Variants in PIK3CG observed in about 807,000 individuals in gnomAD.
PIK3CG encodes the protein phosphatidylinositol 4,5-bisphosphate 3-kinase catalytic subunit gamma isoform.
Under a neutral mutation model 102.3 loss-of-function variants are expected in PIK3CG, and 55 were observed. The observed-to-expected ratio is 0.54, with a 90% CI of 0.43 to 0.67. The LOEUF is 0.67. Ranked by LOEUF, PIK3CG falls within the 30% of genes least tolerant of loss-of-function variation. The pLI is 0.00. For missense variants in PIK3CG, 1,258 were observed against 1,391.8 expected (o/e 0.90, Z 1.53); for synonymous variants, 552 against 540.0 (o/e 1.02, Z -0.31).
In PIK3CG at chr7:106,879,739, A is replaced by G. The variant is rs78704990; in HGVS notation, c.2538+74A>G. 3,516 of 1,098,912 alleles carry G rather than the reference A, an allele frequency of 3.2e-3. 76 individuals are homozygous for G. The African/African-American group carries it at 0.051, about 16-fold the overall frequency. 68.1% of individuals were successfully genotyped at this position (1,098,912 alleles called of 1,614,324 possible). On this transcript the variant is annotated intron_variant, in intron 6 of 10. Coordinates refer to ENST00000496166, the MANE Select transcript of PIK3CG (RefSeq NM_001282426.2). The surrounding 1 kb of genome is among the most constrained non-coding windows in gnomAD (Gnocchi z 4.9). ...TTACATCAAAAACATGCTTTCTCCT[A>G]CTGGCTCTATTCCCACTCTCTTCTT...
intron 5 of PIK3CG, among the ~76,000 whole-genome samples, chr7:106,875,907 T>TG (rs1790715132): frequency 1.6e-5 from 2 of 124,438 alleles, no homozygotes; most frequent in South Asian, 2.6e-4. Context: ...AGTTTTTTTT[T>TG]TGTTTTTTTT....
rs1364412565 is a variant in PIK3CG at position 106,897,099 on chromosome 7, C to T, written c.3031-8010C>T. ...ACACTTTTACATGTTTATTAAATAT[C>T]CTTCTACAGTATCTTTCTAGTAGTT... On this transcript the variant is annotated intron_variant, in intron 10 of 10. Transcript: ENST00000496166. This position sits in a 1 kb window ranked among gnomAD's most constrained non-coding sequence, Gnocchi z 4.6. 6.6e-6 allele frequency among the ~76,000 whole-genome samples: 1 copy of T among 152,114 alleles called. No homozygotes were observed. The highest frequency in any genetic ancestry group is 1.5e-5 in the Non-Finnish European group (1 of 68,032).
rs144346992 is a variant in PIK3CG, at chr7:106,876,365, T to C, written c.2391+1562T>C. ...TTCTTCTGAAAATTTTCTATTCAAA[T>C]ATTTCACCAGTTTTTTAGGTGGGTT... On this transcript the variant is annotated intron_variant, in intron 5 of 10. Coordinates refer to ENST00000496166, the MANE Select transcript of PIK3CG (RefSeq NM_001282426.2). Among the ~76,000 whole-genome samples, 437 of 151,676 alleles carry C rather than the reference T, an allele frequency of 2.9e-3. 9 individuals carry two copies. Among genetic ancestry groups the C allele is most frequent in the East Asian group, 0.015 (77 of 5,124 alleles).
intron 5 of PIK3CG, among the ~76,000 whole-genome samples, chr7:106,878,537 A>G (rs1227138753): frequency 6.6e-6 from 1 of 152,190 alleles, no homozygotes; most frequent in Non-Finnish European, 1.5e-5. Flanking sequence ...TAGCCTAGAA[A>G]CAGCCCCCAG....
chr7:106,893,569 C>T lies in PIK3CG; in HGVS notation c.3030+7277C>T, dbSNP rs1791321802. On this transcript the variant is annotated intron_variant, in intron 10 of 10. Coordinates refer to ENST00000496166, the MANE Select transcript of PIK3CG (RefSeq NM_001282426.2). The surrounding 1 kb of genome is among the most constrained non-coding windows in gnomAD (Gnocchi z 4.4). ...ATTGTTTACCATATTACAAAACATA[C>T]TCTCTCTATTAAGATCTTCTTGTGA... is the stretch of plus-strand genomic sequence containing the variant. Among the ~76,000 whole-genome samples the T allele has an allele frequency of 6.6e-6, 1 of 152,212 alleles. No homozygotes were observed. Among genetic ancestry groups the T allele is most frequent in the Non-Finnish European group, 1.5e-5 (1 of 68,032 alleles).
At chr7:106,881,082 C>T (rs1584331647) in intron 6 of PIK3CG, among the ~76,000 whole-genome samples, 1 of 152,300 alleles carries the variant, frequency 6.6e-6, no homozygotes, top group East Asian at 1.9e-4. Context: ...GGGCCAGGCA[C>T]TAGCCCACAA....
At chr7:106,898,152 A>G (rs1251481398) in intron 10 of PIK3CG, among the ~76,000 whole-genome samples, 2 of 152,086 alleles carry the variant, frequency 1.3e-5, no homozygotes, top group Non-Finnish European at 2.9e-5. Context: ...AGCTTTTTTC[A>G]TATGCTTATT....
chr7:106,905,153 C>T lies in PIK3CG; in HGVS notation c.3075C>T (p.Asn1025=), dbSNP rs2116617419. The T allele has an allele frequency of 6.2e-7, 1 of 1,614,054 alleles. No individual in the cohort carries two copies. The highest frequency in any genetic ancestry group is 1.6e-4 in the Middle Eastern group (1 of 6,062). Residue 1025 remains asparagine (N), a synonymous_variant, in exon 11 of 11, where the codon AAC becomes AAT. Transcript: ENST00000496166. The surrounding 1 kb of genome is among the most constrained non-coding windows in gnomAD (Gnocchi z 5.6). Reference sequence around the variant, plus strand: ...ATCTAGCCCTTCGTCATCACACAAACCTACTGATCATCCTGTTCTCCATGA... The same window carrying T: ...ATCTAGCCCTTCGTCATCACACAAATCTACTGATCATCCTGTTCTCCATGA... ...KAYLALRHHT[N]LLIILFSMML...
chr7:106,876,558 A>AT lies in PIK3CG; in HGVS notation c.2391+1771dup, dbSNP rs747506191. On this transcript the variant is annotated intron_variant, in intron 5 of 10. Transcript: ENST00000496166. ...AGGTGCCCGCCACCACACCCAGCTA[A>AT]TTTTTTTTTTTTTTTTGTATTTTTA... 8.9e-3 allele frequency among the ~76,000 whole-genome samples: 1,213 copies of AT among 136,396 alleles called. 8 individuals carry two copies. Among genetic ancestry groups the AT allele is most frequent in the African/African-American group, 0.016 (607 of 37,312 alleles). 89.5% of individuals were successfully genotyped at this position (136,396 alleles called of 152,430 possible).
chr7:106,904,485 A>G (rs1791639205), intron 10 of PIK3CG, among the ~76,000 whole-genome samples: 1 of 152,180 alleles, frequency 6.6e-6, no homozygotes, highest in African/African-American at 2.4e-5. Flanking sequence ...GCTCACCTGT[A>G]TCACCTGCTC....
chr7:106,884,094 G>A lies in PIK3CG; in HGVS notation c.2761-61G>A. 2.4e-6 allele frequency: 3 copies of A among 1,234,516 alleles called. No individual in the cohort carries two copies. The highest frequency in any genetic ancestry group is 3.6e-6 in the Non-Finnish European group (3 of 844,558). 76.5% of individuals were successfully genotyped at this position (1,234,516 alleles called of 1,614,324 possible). A position where few individuals can be genotyped will look rare whatever the true frequency, so the allele number is the denominator to read the frequency against. On this transcript the variant is annotated intron_variant, in intron 8 of 10. Coordinates refer to ENST00000496166, the MANE Select transcript of PIK3CG (RefSeq NM_001282426.2). This position sits in a 1 kb window ranked among gnomAD's most constrained non-coding sequence, Gnocchi z 4.2. ...AATATTCTCTTTTTAGAAGTCATTT[G>A]TAGATTCATGATGCTTTTTGTAGTT...
chr7:106,889,614 C>A (rs1791215852), intron 10 of PIK3CG, among the ~76,000 whole-genome samples: 1 of 152,142 alleles, frequency 6.6e-6, no homozygotes, highest in East Asian at 1.9e-4. Flanking sequence ...ATACATGCTG[C>A]GTATTTGAAT....
intron 10 of PIK3CG, among the ~76,000 whole-genome samples, chr7:106,887,747 A>G (rs2116568575): frequency 6.6e-6 from 1 of 152,022 alleles, no homozygotes; most frequent in East Asian, 1.9e-4. Flanking sequence ...GAACAGAGAA[A>G]TGGTTCCAAA....
Position 106,869,171 on chromosome 7 carries a change from A to G in PIK3CG, c.1610A>G (p.Asp537Gly), listed in dbSNP as rs2116459567. The change falls in exon 2 of 11, where the codon GAC becomes GGC. Residue 537 changes from aspartate to glycine, a missense_variant. Physicochemically the swap from Asp to Gly is moderately conservative, Grantham distance 94. Coordinates refer to ENST00000496166, the MANE Select transcript of PIK3CG (RefSeq NM_001282426.2). This position sits in a 1 kb window ranked among gnomAD's most constrained non-coding sequence, Gnocchi z 5.3. The part of the protein sequence containing the change: ...IALPKHQPTP[D>G]PEGDRVRAEM... ...CTGCCTAAGCATCAGCCCACCCCTG[A>G]CCCGGAAGGGGACCGGGTTCGAGCA... The G allele has an allele frequency of 9.9e-6, 16 of 1,614,152 alleles. No homozygotes were observed. Among genetic ancestry groups the G allele is most frequent in the Non-Finnish European group, 1.4e-5 (16 of 1,180,028 alleles).
chr7:106,879,288 T>C lies in PIK3CG; in HGVS notation c.2392-231T>C, dbSNP rs546311881. Among the ~76,000 whole-genome samples, 7 of 152,306 alleles carry C rather than the reference T, an allele frequency of 4.6e-5. No homozygotes were observed. The South Asian group carries it at 1.5e-3, about 32-fold the overall frequency. Reference sequence around the variant, plus strand: ...ACTTCCAAAGACTCTTGTGGTTCTTTGGAGCACAGTTTGAGAGGCACTGGT... The same window carrying C: ...ACTTCCAAAGACTCTTGTGGTTCTTCGGAGCACAGTTTGAGAGGCACTGGT... On this transcript the variant is annotated intron_variant, in intron 5 of 10. Coordinates refer to ENST00000496166, the MANE Select transcript of PIK3CG (RefSeq NM_001282426.2). This position sits in a 1 kb window ranked among gnomAD's most constrained non-coding sequence, Gnocchi z 4.9.
rs1281619231 is a variant in PIK3CG, at chr7:106,868,604, G to C, written c.1043G>C (p.Ser348Thr). Residue 348 changes from serine (S) to threonine (T), a missense_variant, in exon 2 of 11, where the codon AGT becomes ACT. Physicochemically the swap from Ser to Thr is moderately conservative, Grantham distance 58 (BLOSUM62 1). This residue lies in a region of PIK3CG where 832 missense variants were observed against 787.5 expected (regional missense o/e 1.06). Coordinates refer to ENST00000496166, the MANE Select transcript of PIK3CG (RefSeq NM_001282426.2). This position sits in a 1 kb window ranked among gnomAD's most constrained non-coding sequence, Gnocchi z 6.2. ...ACCATCCACGGCAAGGACCACGAGA[G>C]TGTGTTCACCGTGTCCCTGTGGGAC... ...QLTIHGKDHE[S>T]VFTVSLWDCD... is the part of the protein sequence containing the mutation. 6.2e-7 allele frequency: 1 copy of C among 1,614,230 alleles called. No individual in the cohort carries two copies. The highest frequency in any genetic ancestry group is 1.6e-4 in the Middle Eastern group (1 of 6,062).
rs1423809374 is a variant in PIK3CG at position 106,880,539 on chromosome 7, G to C, written c.2538+874G>C. Among the ~76,000 whole-genome samples the C allele has an allele frequency of 1.3e-5, 2 of 152,176 alleles. No homozygotes were observed. The highest frequency in any genetic ancestry group is 3.8e-4 in the East Asian group (2 of 5,206). ...GAGAAATCCTTCAAACTTTTTGCAA[G>C]TTTATTAAATTTCAAATAAATCTGT... On this transcript the variant is annotated intron_variant, in intron 6 of 10. Coordinates refer to ENST00000496166, the MANE Select transcript of PIK3CG (RefSeq NM_001282426.2). The surrounding 1 kb of genome is among the most constrained non-coding windows in gnomAD (Gnocchi z 4.2).
At chr7:106,889,239 A>T (rs569326947) in intron 10 of PIK3CG, among the ~76,000 whole-genome samples, 2 of 152,234 alleles carry the variant, frequency 1.3e-5, no homozygotes, top group Admixed American at 6.5e-5. Context: ...ACAGGAAAAA[A>T]ACCTGAACAC....
At chr7:106,885,727 G>T (rs1345057337) in intron 9 of PIK3CG, among the ~76,000 whole-genome samples, 1 of 152,038 alleles carries the variant, frequency 6.6e-6, no homozygotes, top group African/African-American at 2.4e-5. Context: ...GCCGTAGATG[G>T]CTACTCAAAA....
Sources: gnomAD v4.1 joint callset for allele counts (sites outside exome capture counted in the v4.1 genomes callset) on GRCh38, gnomAD v4.1.1 for gene constraint, gnomAD v4.1.1 regional missense constraint, Gnocchi (gnomAD v3.1) non-coding constraint, MANE v1.5 for transcripts, NCBI Gene and HGNC (gene_info 2026-07-23, HGNC 2026-07-21) for gene names.